The following AADACL2 variants were observed in gnomAD, a reference collection of about 807,000 sequenced individuals.
AADACL2 encodes arylacetamide deacetylase like 2, also known as arylacetamide deacetylase-like 2.
Under a neutral mutation model 22.3 loss-of-function variants are expected in AADACL2, and 23 were observed. That is an observed-to-expected ratio of 1.03 (90% confidence interval 0.74 to 1.46). The LOEUF (loss-of-function observed/expected upper bound fraction) is 1.46. Among genes scored for constraint, AADACL2 ranks in the 40% most tolerant of loss-of-function variants. The pLI, the probability that AADACL2 is intolerant of heterozygous loss-of-function variation, is 0.00. For synonymous variants in AADACL2, 177 were observed against 166.2 expected (o/e 1.07, Z -0.50); for missense variants, 472 against 482.9 (o/e 0.98, Z 0.21).
At chr3:151,740,586 A>C (rs1437889474) in intron 1 of AADACL2, 60 bp from the exon 2 acceptor site, 4 of 1,098,814 alleles carry the variant, frequency 3.6e-6, no homozygotes, top group Non-Finnish European at 5.0e-6. Context: ...TTTCTTTTTA[A>C]ATATATTTGG....
chr3:151,746,652 G>A (rs756101028), intron 4 of AADACL2, among the ~76,000 whole-genome samples: 5 of 151,776 alleles, frequency 3.3e-5, no homozygotes, highest in Non-Finnish European at 5.9e-5. Context: ...TTGCATAAAT[G>A]GGTCTTGAAT....
In AADACL2 at chr3:151,759,252, T is replaced by C. The variant is rs1229109979; in HGVS notation, c.*1658T>C. 6.6e-6 allele frequency: 1 copy of C among 152,182 alleles called. No individual in the cohort carries two copies. The highest frequency in any genetic ancestry group is 1.5e-5 in the Non-Finnish European group (1 of 67,990). 9.4% of individuals were successfully genotyped at this position (152,182 alleles called of 1,614,324 possible). On this transcript the variant is annotated 3_prime_UTR_variant, in exon 5 of 5. Coordinates refer to ENST00000356517, the MANE Select transcript of AADACL2 (RefSeq NM_207365.4). ...AAAATTTGTAATTTGTTTTTCATGA[T>C]ACTGAATCTGGTTCCAGTTCTTTTT...
intron 4 of AADACL2, among the ~76,000 whole-genome samples, chr3:151,750,855 G>A (rs936865446): frequency 3.9e-5 from 6 of 152,080 alleles, no homozygotes; most frequent in South Asian, 2.1e-4. Flanking sequence ...ATGCCTATAC[G>A]TATATATTAA....
Position 151,740,667 on chromosome 3 carries a change from C to A in AADACL2, c.160C>A (p.Arg54Ser), listed in dbSNP as rs763997055. The change falls in exon 2 of 5, where the codon CGT becomes AGT. Residue 54 changes from arginine to serine, a missense_variant. Physicochemically the swap from Arg to Ser is moderately radical, Grantham distance 110 (BLOSUM62 -1). Around this residue, in one of 3 missense-constraint regions of AADACL2, gnomAD observed 356 missense variants for 365.5 expected, o/e 0.97. Coordinates refer to ENST00000356517, the MANE Select transcript of AADACL2 (RefSeq NM_207365.4). ...ACAGGCTATGTGTTTTGAAAATATG[C>A]GTATTATGAGATATGAAGAGTTTAT... ...TFTAMCFENMRIMRYEEFISM... is the reference protein window; with the variant it reads ...TFTAMCFENMSIMRYEEFISM... 6 of 1,607,362 alleles carry A rather than the reference C, an allele frequency of 3.7e-6. No individual in the cohort carries two copies. The highest frequency in any genetic ancestry group is 1.3e-5 in the African/African-American group (1 of 74,696).
intron 4 of AADACL2, among the ~76,000 whole-genome samples, chr3:151,755,837 G>A (rs2107991498): frequency 6.6e-6 from 1 of 152,178 alleles, no homozygotes; most frequent in South Asian, 2.1e-4. Context: ...GGATGACTGA[G>A]GGTGGGCTAT....
chr3:151,743,628 G>A (rs923140557), intron 2 of AADACL2, among the ~76,000 whole-genome samples: 5 of 152,166 alleles, frequency 3.3e-5, no homozygotes, highest in African/African-American at 1.2e-4. Flanking sequence ...AGGTTTTGAA[G>A]AACGATGTTT....
At chr3:151,751,910 GTATC>G (rs1351378888) in intron 4 of AADACL2, among the ~76,000 whole-genome samples, 1 of 152,060 alleles carries the variant, frequency 6.6e-6, no homozygotes, top group Non-Finnish European at 1.5e-5. Flanking sequence ...TAAGAACTTA[GTATC>G]TATTTAGACA....
rs762206898 is a variant in AADACL2 at position 151,734,180 on chromosome 3, T to G, written c.138+7T>G. ...TAAAACTTGTACATTTACGGTAAGG[T>G]TAACATTTATTTTTTCTGTTGGAAA... On this transcript the variant is annotated splice_region_variant and intron_variant, in intron 1 of 4. Coordinates refer to ENST00000356517, the MANE Select transcript of AADACL2 (RefSeq NM_207365.4). The G allele has an allele frequency of 1.2e-6, 2 of 1,610,608 alleles. No individual in the cohort carries two copies. Among genetic ancestry groups the G allele is most frequent in the Middle Eastern group, 3.3e-4 (2 of 6,036 alleles).
In AADACL2 at chr3:151,740,758, C is replaced by G. The variant is rs1054980954; in HGVS notation, c.251C>G (p.Thr84Arg). ...LSDEYITVTD[T>R]TFVDIPVRLY... ...GATGAATACATCACAGTGACTGATA[C>G]AACATTTGTTGACATTCCAGTACGA... is the stretch of plus-strand genomic sequence containing the variant. The change falls in exon 2 of 5, where the codon ACA becomes AGA. Residue 84 changes from threonine (T) to arginine (R), a missense_variant. Physicochemically the swap from Thr to Arg is moderately conservative, Grantham distance 71 (BLOSUM62 -1). This residue lies in a region of AADACL2 where 356 missense variants were observed against 365.5 expected (regional missense o/e 0.97). Coordinates refer to ENST00000356517, the MANE Select transcript of AADACL2 (RefSeq NM_207365.4). 3 of 1,613,814 alleles carry G rather than the reference C, an allele frequency of 1.9e-6. No individual in the cohort carries two copies. The highest frequency in any genetic ancestry group is 2.7e-5 in the African/African-American group (2 of 74,896).
chr3:151,741,012 G>A (rs1713264198), intron 2 of AADACL2, 144 bp downstream of exon 2: 4 of 625,392 alleles, frequency 6.4e-6, no homozygotes, highest in Non-Finnish European at 5.3e-6. Context: ...ATATAAATAT[G>A]AGACATCTAA....
chr3:151,755,823 A>G (rs1476459666), intron 4 of AADACL2, among the ~76,000 whole-genome samples: 9 of 152,172 alleles, frequency 5.9e-5, no homozygotes, highest in African/African-American at 1.9e-4. Context: ...CGAGATTGAG[A>G]GTAGGATGAC....
Position 151,759,990 on chromosome 3 carries a change from C to T in AADACL2, c.*2396C>T, listed in dbSNP as rs1411323675. On this transcript the variant is annotated 3_prime_UTR_variant, in exon 5 of 5. Coordinates refer to ENST00000356517, the MANE Select transcript of AADACL2 (RefSeq NM_207365.4). ...TACATATTCATGGGATACATAGTGA[C>T]GTTTCAATACATATCATGTATAGTG... 2.0e-5 allele frequency: 3 copies of T among 152,042 alleles called. No individual in the cohort carries two copies. Among genetic ancestry groups the T allele is most frequent in the Admixed American group, 6.6e-5 (1 of 15,258 alleles). 9.4% of individuals were successfully genotyped at this position (152,042 alleles called of 1,614,324 possible). A position where few individuals can be genotyped will look rare whatever the true frequency, so the allele number is the denominator to read the frequency against.
chr3:151,746,365 G>GTTTTTTTTTTTTTTTTT (rs11385894), intron 4 of AADACL2, among the ~76,000 whole-genome samples: 1 of 136,970 alleles, frequency 7.3e-6, no homozygotes. Context: ...TGTTTTTTTT[G>GTTTTTTTTTTTTTTTTT]TTTTTTTTTT....
rs1713995741 is a variant in AADACL2, at chr3:151,757,800, C to A, written c.*206C>A. ...AAATGTATGTAATCCTGCCTATTTT[C>A]TCCTTACTTATAATTTATTATAATT... On this transcript the variant is annotated 3_prime_UTR_variant, in exon 5 of 5. Coordinates refer to ENST00000356517, the MANE Select transcript of AADACL2 (RefSeq NM_207365.4). 1.2e-5 allele frequency: 5 copies of A among 427,936 alleles called. No individual in the cohort carries two copies. Among genetic ancestry groups the A allele is most frequent in the Non-Finnish European group, 2.0e-5 (5 of 250,414 alleles). 26.5% of individuals were successfully genotyped at this position (427,936 alleles called of 1,614,324 possible). A position where few individuals can be genotyped will look rare whatever the true frequency, so the allele number is the denominator to read the frequency against.
chr3:151,745,312 A>G (rs1407780090), intron 3 of AADACL2, among the ~76,000 whole-genome samples, 197 bp from the exon 4 acceptor site: 1 of 152,190 alleles, frequency 6.6e-6, no homozygotes, highest in Non-Finnish European at 1.5e-5. Flanking sequence ...AATTCCATTC[A>G]TGGATTTTAG....
At chr3:151,749,110 T>C (rs1713558401) in intron 4 of AADACL2, among the ~76,000 whole-genome samples, 3 of 152,288 alleles carry the variant, frequency 2.0e-5, no homozygotes, top group South Asian at 4.1e-4. Context: ...AATCTGTACA[T>C]TGCTTTGTGT....
At chr3:151,750,729 G>C (rs886362824) in intron 4 of AADACL2, among the ~76,000 whole-genome samples, 2 of 151,978 alleles carry the variant, frequency 1.3e-5, no homozygotes, top group Non-Finnish European at 2.9e-5. Context: ...TTCAGGATTA[G>C]AGCACTAGAA....
rs774227798 is a variant in AADACL2, at chr3:151,740,840, T to C, written c.333T>C (p.His111=). ...ETRRRAVIYF[H]GGGFCFGSSK... ...GAAGGCGAGCTGTGATATATTTTCA[T>C]GGTGGTGGTTTTTGTTTTGGAAGTT... is the stretch of plus-strand genomic sequence containing the variant. Residue 111 remains histidine, a synonymous_variant, in exon 2 of 5, where the codon CAT becomes CAC. Coordinates refer to ENST00000356517, the MANE Select transcript of AADACL2 (RefSeq NM_207365.4). The C allele has an allele frequency of 5.0e-6, 8 of 1,613,988 alleles. No individual in the cohort carries two copies. The highest frequency in any genetic ancestry group is 4.4e-5 in the South Asian group (4 of 91,066).
At chr3:151,740,531 CT>C in intron 1 of AADACL2, 114 bp from the exon 2 acceptor site, 2 of 663,828 alleles carry the variant, frequency 3.0e-6, no homozygotes, top group Non-Finnish European at 4.9e-6. Context: ...TTTAAATAGT[CT>C]ATTTCTTTTT....
Sources: allele counts gnomAD v4.1 joint callset (sites outside exome capture counted in the v4.1 genomes callset), GRCh38; gene constraint gnomAD v4.1.1; regional missense constraint gnomAD v4.1.1; transcripts MANE v1.5; gene names NCBI Gene and HGNC (gene_info 2026-07-23, HGNC 2026-07-21).